PSMD9: variants seen among roughly 807,000 people sequenced by gnomAD.
PSMD9 encodes the protein proteasome 26S subunit, non-ATPase 9.
PSMD9 carries 26 observed loss-of-function variants against 25.9 expected under a neutral mutation model. The ratio of observed to expected loss-of-function variants is 1.00; its 90% CI spans 0.73 to 1.39. The LOEUF is 1.39. Among genes scored for constraint, PSMD9 ranks in the 40% most tolerant of loss-of-function variants. PSMD9 has a pLI of 0.00. For synonymous variants in PSMD9, 110 were observed against 114.5 expected (o/e 0.96, Z 0.25); for missense variants, 303 against 299.3 (o/e 1.01, Z -0.09).
chr12:121,914,010 C>T (rs933431783), intron 4 of PSMD9, among the ~76,000 whole-genome samples: 3 of 152,076 alleles, frequency 2.0e-5, no homozygotes, highest in African/African-American at 7.2e-5. Flanking sequence ...ATCCTCCTGC[C>T]TCAGCCTCCC....
chr12:121,905,226 T>C (rs1220231752), intron 4 of PSMD9, among the ~76,000 whole-genome samples: 1 of 140,606 alleles, frequency 7.1e-6, no homozygotes, highest in African/African-American at 2.6e-5. Flanking sequence ...TTTTCTTTTC[T>C]TTTTTTTTTT....
At position 121,916,286 on chromosome 12, in the gene PSMD9, GCAA is replaced by G. The variant is rs1430253167; in HGVS notation, c.650_652del (p.Asn217del). On this transcript the variant is annotated inframe_deletion, in exon 6 of 6. Coordinates refer to ENST00000541212, the MANE Select transcript of PSMD9 (RefSeq NM_002813.7). ...ATTCCTTTTCTTCTTTCTTCCAGCT[GCAA>G]CATTATTCCTCTGCAAAGATGATTG... 17 of 1,614,034 alleles carry G rather than the reference GCAA, an allele frequency of 1.1e-5. No homozygotes were observed. The highest frequency in any genetic ancestry group is 3.3e-4 in the Middle Eastern group (2 of 6,084).
At position 121,916,100 on chromosome 12, in the gene PSMD9, TA is replaced by T. The variant is rs1010229071; in HGVS notation, c.644+157del. On this transcript the variant is annotated intron_variant, in intron 5 of 5. Transcript: ENST00000541212. Reference sequence around the variant, plus strand: ...TAAATCCTCGTGGTAGGAACGAGACTACAGCTCTAGAAGCAGAGGGAGCCCC... The same window carrying T: ...TAAATCCTCGTGGTAGGAACGAGACTCAGCTCTAGAAGCAGAGGGAGCCCC... 1.7e-4 allele frequency: 201 copies of T among 1,156,876 alleles called. 1 individual carries two copies. The highest frequency in any genetic ancestry group is 9.5e-5 in the Admixed American group (5 of 52,804). The allele number at this position is 1,156,876 out of a possible 1,614,324, so 71.7% of individuals were successfully genotyped here. A position where few individuals can be genotyped will look rare whatever the true frequency, so the allele number is the denominator to read the frequency against.
At chr12:121,911,026 G>T (rs946025228) in intron 4 of PSMD9, 4 of 442,632 alleles carry the variant, frequency 9.0e-6, no homozygotes, top group Non-Finnish European at 1.8e-5. Flanking sequence ...TACATACTGT[G>T]TAGTTTTTTT....
chr12:121,905,833 T>G (rs1879539054), intron 4 of PSMD9, among the ~76,000 whole-genome samples: 1 of 151,850 alleles, frequency 6.6e-6, no homozygotes, highest in African/African-American at 2.4e-5. Flanking sequence ...TGGCCTGCCA[T>G]TCCCGTGAGT....
rs754774250 is a variant in PSMD9, at chr12:121,899,721, G to A, written c.329G>A (p.Arg110Gln). ...GCTCGCGACAAGGAGAAGCAGGCCCGGGACATGGCTGAGGCCCACAAAGAG... is the reference window on the plus strand; with the variant it reads ...GCTCGCGACAAGGAGAAGCAGGCCCAGGACATGGCTGAGGCCCACAAAGAG... ...LHARDKEKQA[R>Q]DMAEAHKEAM... Residue 110 changes from arginine to glutamine, a missense_variant, in exon 3 of 6, where the codon CGG becomes CAG. Transcript: ENST00000541212. 64 of 1,614,024 alleles carry A rather than the reference G, an allele frequency of 4.0e-5. No individual in the cohort carries two copies. Among genetic ancestry groups the A allele is most frequent in the Non-Finnish European group, 5.3e-5 (62 of 1,180,032 alleles).
At chr12:121,896,969 A>G (rs1175064202) in intron 2 of PSMD9, among the ~76,000 whole-genome samples, 1 of 148,128 alleles carries the variant, frequency 6.8e-6, no homozygotes, top group Non-Finnish European at 1.5e-5. Context: ...ACATACATGT[A>G]AATATATACA....
At chr12:121,892,637 C>A (rs1879119137) in intron 1 of PSMD9, among the ~76,000 whole-genome samples, 1 of 151,968 alleles carries the variant, frequency 6.6e-6, no homozygotes, top group Non-Finnish European at 1.5e-5. Flanking sequence ...GGAGGCGGAG[C>A]TTGCAGTGAG....
In PSMD9 at chr12:121,899,903, C is replaced by A. The variant is rs780290554; in HGVS notation, c.453+58C>A. The A allele has an allele frequency of 4.4e-6, 7 of 1,585,208 alleles. No homozygotes were observed. In the African/African-American group the frequency reaches 9.4e-5, roughly 21 times the overall value. On this transcript the variant is annotated intron_variant, in intron 3 of 5. Transcript: ENST00000541212. ...CCAGGGGACACGGTGGGTCAGGTAGCCTTCGGGGATGTGGAAAGACAGACT... is the reference window on the plus strand; with the variant it reads ...CCAGGGGACACGGTGGGTCAGGTAGACTTCGGGGATGTGGAAAGACAGACT...
At chr12:121,897,995 C>T (rs1211723380) in intron 2 of PSMD9, 2 of 152,228 alleles carry the variant, frequency 1.3e-5, no homozygotes, top group African/African-American at 4.8e-5. Context: ...GTATTGAGCA[C>T]TTCCCTGTGC....
chr12:121,915,808 C>A, intron 4 of PSMD9, 48 bp from the exon 5 acceptor site: 1 of 1,490,270 alleles, frequency 6.7e-7, no homozygotes, highest in Non-Finnish European at 9.2e-7. Flanking sequence ...GCCTGCATCT[C>A]TGAGTACTAA....
At chr12:121,903,864 G>A (rs1199713255) in intron 4 of PSMD9, among the ~76,000 whole-genome samples, 1 of 151,576 alleles carries the variant, frequency 6.6e-6, no homozygotes, top group East Asian at 1.9e-4. Context: ...TGTGGAGGCG[G>A]GGTCTTGCTA....
chr12:121,896,824 G>A (rs1309509871), intron 2 of PSMD9, among the ~76,000 whole-genome samples: 6 of 118,956 alleles, frequency 5.0e-5, no homozygotes, highest in African/African-American at 1.8e-4. Context: ...CAACAAGAGT[G>A]AAACTCTGTC....
At chr12:121,892,280 A>G (rs117545821) in intron 1 of PSMD9, among the ~76,000 whole-genome samples, 1,702 of 152,268 alleles carry the variant, frequency 0.011, 11 homozygotes, top group South Asian at 0.017. Context: ...CAAATGGTCA[A>G]TGGCCAGGCG....
intron 1 of PSMD9, among the ~76,000 whole-genome samples, chr12:121,889,763 T>C (rs533134453): frequency 1.7e-4 from 26 of 152,220 alleles, no homozygotes; most frequent in African/African-American, 5.3e-4. Context: ...GGTCATGTAG[T>C]TCGGAAGTGG....
chr12:121,913,244 T>A (rs1181548679), intron 4 of PSMD9, among the ~76,000 whole-genome samples: 1 of 146,366 alleles, frequency 6.8e-6, no homozygotes, highest in Non-Finnish European at 1.5e-5. Context: ...GCGCCTGGCC[T>A]TTTTTTTTGT....
intron 4 of PSMD9, among the ~76,000 whole-genome samples, chr12:121,904,301 G>T (rs1014867807): frequency 1.3e-5 from 2 of 149,588 alleles, no homozygotes; most frequent in African/African-American, 4.9e-5. Context: ...TTGGCTGGGC[G>T]TGGTGGCTCA....
intron 2 of PSMD9, among the ~76,000 whole-genome samples, 179 bp downstream of exon 2, chr12:121,895,020 T>A (rs1879191525): frequency 1.3e-5 from 2 of 152,108 alleles, no homozygotes; most frequent in South Asian, 4.1e-4. Context: ...GTTCTATATT[T>A]CTGGTTTCAT....
At chr12:121,913,156 C>G (rs897172913) in intron 4 of PSMD9, among the ~76,000 whole-genome samples, 16 of 151,918 alleles carry the variant, frequency 1.1e-4, no homozygotes, top group African/African-American at 2.9e-4. Flanking sequence ...GTGTTAGCCA[C>G]GATGGTGTCA....
Sources: gnomAD v4.1 joint callset for allele counts (sites outside exome capture counted in the v4.1 genomes callset) on GRCh38, gnomAD v4.1.1 for gene constraint, MANE v1.5 for transcripts, NCBI Gene and HGNC (gene_info 2026-07-23, HGNC 2026-07-21) for gene names.